Variants in PLAUR observed in about 807,000 individuals in gnomAD.
PLAUR encodes the protein plasminogen activator, urokinase receptor.
A neutral mutation model predicts 33.4 loss-of-function variants in PLAUR; 22 were observed. The observed-to-expected ratio is 0.66, with a 90% CI of 0.47 to 0.94. The LOEUF is 0.94. PLAUR is among the 40% of genes least tolerant of loss of function. The probability of loss-of-function intolerance (pLI) is 0.00; values close to 1 mark genes in which losing one functional copy is unlikely to be tolerated. For synonymous variants in PLAUR, 148 were observed against 167.3 expected (o/e 0.88, Z 0.89); for missense variants, 408 against 434.7 (o/e 0.94, Z 0.55).
chr19:43,647,910 G>C (rs1245530299), downstream of PLAUR, among the ~76,000 whole-genome samples: 1 of 150,024 alleles, frequency 6.7e-6, no homozygotes, highest in Admixed American at 6.7e-5. Context: ...CCTGAGGGGG[G>C]CTTTTGGCTG....
intron 1 of PLAUR, 61 bp downstream of exon 1, chr19:43,670,005 A>G (rs1967455120): frequency 6.6e-7 from 1 of 1,506,722 alleles, no homozygotes; most frequent in Non-Finnish European, 9.2e-7. Context: ...TCCTCTGACA[A>G]CCCCCAACCC....
chr19:43,648,761 G>A lies in PLAUR; in HGVS notation c.*129C>T. On this transcript the variant is annotated 3_prime_UTR_variant, in exon 7 of 7. Transcript: ENST00000340093. Reference sequence around the variant, plus strand: ...TGTGAGATAGCTGTTTTCATAGCTGGGAAAACTGAGGCCCAGAGAGGTCGG... The same window carrying A: ...TGTGAGATAGCTGTTTTCATAGCTGAGAAAACTGAGGCCCAGAGAGGTCGG... The A allele has an allele frequency of 9.3e-7, 1 of 1,071,404 alleles. No homozygotes were observed. Among genetic ancestry groups the A allele is most frequent in the Non-Finnish European group, 1.3e-6 (1 of 742,252 alleles). The allele number at this position is 1,071,404 out of a possible 1,614,324, so 66.4% of individuals were successfully genotyped here.
At chr19:43,662,011 C>T (rs4251843) in intron 3 of PLAUR, among the ~76,000 whole-genome samples, 2 of 152,058 alleles carry the variant, frequency 1.3e-5, no homozygotes, top group Middle Eastern at 3.2e-3. Context: ...GGATTACAGG[C>T]GTGAGCCACT....
At chr19:43,650,230 C>T (rs556354781) in intron 6 of PLAUR, among the ~76,000 whole-genome samples, 3 of 151,242 alleles carry the variant, frequency 2.0e-5, no homozygotes. Context: ...AGGCTGGTCT[C>T]GAACTCCTGA....
intron 3 of PLAUR, among the ~76,000 whole-genome samples, chr19:43,657,117 T>C (rs1974247451): frequency 6.6e-6 from 1 of 152,018 alleles, no homozygotes; most frequent in South Asian, 2.1e-4. Flanking sequence ...CTAATTTTTG[T>C]ATTTTTAGTA....
At chr19:43,656,929 A>T (rs4251875) in intron 3 of PLAUR, 13,351 of 242,334 alleles carry the variant, frequency 0.055, 524 homozygotes, top group Middle Eastern at 0.12. Context: ...TGGCCCTAGA[A>T]ACATTTCTTT....
At chr19:43,651,027 A>G (rs4251917) in intron 6 of PLAUR, among the ~76,000 whole-genome samples, 13,538 of 147,174 alleles carry the variant, frequency 0.092, 812 homozygotes, top group Middle Eastern at 0.19. Flanking sequence ...GCAAGACTCC[A>G]TTTCAAAAAA....
chr19:43,664,525 G>A (rs1457505396), intron 3 of PLAUR, among the ~76,000 whole-genome samples: 1 of 152,204 alleles, frequency 6.6e-6, no homozygotes, highest in Non-Finnish European at 1.5e-5. Context: ...GCCCAGGCTG[G>A]TCTTAAACTC....
chr19:43,648,773 C>T lies in PLAUR; in HGVS notation c.*117G>A. On this transcript the variant is annotated 3_prime_UTR_variant, in exon 7 of 7. Coordinates refer to ENST00000340093, the MANE Select transcript of PLAUR (RefSeq NM_002659.4). ...GTTTTCATAGCTGGGAAAACTGAGG[C>T]CCAGAGAGGTCGGCACACTGGCCTG... The T allele has an allele frequency of 8.7e-7, 1 of 1,146,894 alleles. No homozygotes were observed. The highest frequency in any genetic ancestry group is 1.5e-5 in the South Asian group (1 of 66,862). The allele number at this position is 1,146,894 out of a possible 1,614,324, so 71.0% of individuals were successfully genotyped here. A position where few individuals can be genotyped will look rare whatever the true frequency, so the allele number is the denominator to read the frequency against.
At chr19:43,651,415 T>C (rs1027668197) in intron 6 of PLAUR, among the ~76,000 whole-genome samples, 2 of 150,314 alleles carry the variant, frequency 1.3e-5, no homozygotes, top group African/African-American at 4.9e-5. Flanking sequence ...TCTATAGAAA[T>C]CACTGATATA....
At chr19:43,651,089 A>T (rs1973975739) in intron 6 of PLAUR, among the ~76,000 whole-genome samples, 1 of 150,636 alleles carries the variant, frequency 6.6e-6, no homozygotes, top group African/African-American at 2.4e-5. Context: ...ATTTTATTTT[A>T]TTTTTTGGGA....
At chr19:43,669,649 T>TAA (rs1427501547) in intron 1 of PLAUR, among the ~76,000 whole-genome samples, 1 of 150,026 alleles carries the variant, frequency 6.7e-6, no homozygotes, top group African/African-American at 2.5e-5. Flanking sequence ...CGGTCTCCAC[T>TAA]AAAAATACAG....
At position 43,659,602 on chromosome 19, in the gene PLAUR, C is replaced by T. The variant is rs4251858; in HGVS notation, c.311-2962G>A. Among the ~76,000 whole-genome samples the T allele has an allele frequency of 1.8e-4, 28 of 152,210 alleles. No individual in the cohort carries two copies. In the East Asian group the frequency reaches 2.3e-3, roughly 13 times the overall value. On this transcript the variant is annotated intron_variant, in intron 3 of 6. Transcript: ENST00000340093. ...CTCTGAGCTCCAGACACGCAACTGT[C>T]TCTTCGAGGCCCCATGGCTATACCT...
intron 3 of PLAUR, 68 bp downstream of exon 3, chr19:43,665,248 T>C: frequency 6.6e-7 from 1 of 1,511,368 alleles, no homozygotes. Context: ...AAGAATAGGA[T>C]TGGGATGATG....
chr19:43,665,039 G>A, intron 3 of PLAUR: 1 of 470,020 alleles, frequency 2.1e-6, no homozygotes. Context: ...GGTTGGAACT[G>A]TGCTTGGAAC....
At chr19:43,650,672 T>C (rs142825363) in intron 6 of PLAUR, among the ~76,000 whole-genome samples, 11 of 152,310 alleles carry the variant, frequency 7.2e-5, no homozygotes, top group Admixed American at 2.0e-4. Flanking sequence ...TTCATTAAAA[T>C]GTTATTTATC....
At position 43,649,032 on chromosome 19, in the gene PLAUR, G is replaced by T; in HGVS notation, c.866C>A (p.Thr289Asn). The T allele has an allele frequency of 1.2e-6, 2 of 1,614,234 alleles. No individual in the cohort carries two copies. The highest frequency in any genetic ancestry group is 1.7e-6 in the Non-Finnish European group (2 of 1,180,032). ...GTCTGGGTGGTTACAGCCACTTTTA[G>T]TACAGCAGGAGACATCAATGTGGTT... ...SMNHIDVSCCTKSGCNHPDLD... is the reference protein window; with the variant it reads ...SMNHIDVSCCNKSGCNHPDLD... Residue 289 changes from threonine to asparagine, a missense_variant, in exon 7 of 7, where the codon ACT becomes AAT. Thr to Asn is a moderately conservative substitution (Grantham distance 65). Transcript: ENST00000340093.
At chr19:43,656,269 T>A (rs1388691740) in intron 4 of PLAUR, among the ~76,000 whole-genome samples, 43 of 137,628 alleles carry the variant, frequency 3.1e-4, no homozygotes, top group African/African-American at 1.1e-3. Flanking sequence ...AATAAATAAA[T>A]AAATAAATAA....
downstream of PLAUR, chr19:43,646,489 A>G (rs1973827116): frequency 1.4e-6 from 1 of 718,100 alleles, no homozygotes; most frequent in East Asian, 2.7e-5. Context: ...TCCTCACAGC[A>G]TGGTGGTCTC....
Sources: gnomAD v4.1 joint callset for allele counts (sites outside exome capture counted in the v4.1 genomes callset) on GRCh38, gnomAD v4.1.1 for gene constraint, MANE v1.5 for transcripts, NCBI Gene and HGNC (gene_info 2026-07-23, HGNC 2026-07-21) for gene names.